PRELID2: variants seen among roughly 807,000 people sequenced by gnomAD.
The protein encoded by PRELID2 is PRELI domain-containing protein 2.
Under a neutral mutation model 28.4 loss-of-function variants are expected in PRELID2, and 25 were observed. The observed-to-expected ratio is 0.88, with a 90% CI of 0.64 to 1.23. The LOEUF (loss-of-function observed/expected upper bound fraction) is 1.23. PRELID2 is among the 50% of genes most tolerant of loss of function. The probability of loss-of-function intolerance (pLI) is 0.00; values close to 1 mark genes in which losing one functional copy is unlikely to be tolerated. For synonymous variants in PRELID2, 76 were observed against 71.6 expected, an observed-to-expected ratio of 1.06 and a Z score of -0.31; for missense variants, 201 against 214.4, an observed-to-expected ratio of 0.94 and a Z score of 0.39.
intron 1 of PRELID2, among the ~76,000 whole-genome samples, chr5:145,656,269 T>A (rs1011197647): frequency 6.6e-6 from 1 of 152,162 alleles, no homozygotes; most frequent in Non-Finnish European, 1.5e-5. Context: ...CTGGAGAGGA[T>A]GTGGAGAAAT....
chr5:145,395,114 C>T, the PRELID2 span, among the ~76,000 whole-genome samples: 25 of 152,146 alleles, frequency 1.6e-4, no homozygotes, highest in Non-Finnish European at 3.1e-4. Context: ...GCTTTTAGTG[C>T]ATTATCTCAT....
At chr5:145,800,996 C>T (rs981582735) in intron 4 of PRELID2, among the ~76,000 whole-genome samples, 4 of 151,984 alleles carry the variant, frequency 2.6e-5, no homozygotes, top group Admixed American at 6.6e-5. Flanking sequence ...GACAGACGGA[C>T]GGATGAACAG....
At chr5:145,683,192 T>C (rs371755749) in intron 1 of PRELID2, among the ~76,000 whole-genome samples, 2 of 152,184 alleles carry the variant, frequency 1.3e-5, no homozygotes, top group South Asian at 2.1e-4. Flanking sequence ...TCTGTGACTT[T>C]GACTTTAGGT....
In PRELID2 at chr5:145,756,566, T is replaced by C. The variant is rs140855203; in HGVS notation, c.*3970A>G. Among the ~76,000 whole-genome samples, 724 of 152,252 alleles carry C rather than the reference T, an allele frequency of 4.8e-3. 6 individuals are homozygous for C. The highest frequency in any genetic ancestry group is 7.6e-3 in the Non-Finnish European group (519 of 68,012). ...GCTGGGGGAGACAATGGTTTATTGA[T>C]CAAGAGAAATTATTTCTAGCAATAT... On this transcript the variant is annotated 3_prime_UTR_variant, in exon 7 of 7. Coordinates refer to ENST00000683046, the MANE Select transcript of PRELID2 (RefSeq NM_205846.3).
At chr5:145,817,421 T>TTTTA (rs1554099439) in intron 4 of PRELID2, among the ~76,000 whole-genome samples, 1 of 103,596 alleles carries the variant, frequency 9.7e-6, no homozygotes, top group African/African-American at 3.3e-5. Context: ...TAAGCTAGTT[T>TTTTA]TATATATATA....
intron 1 of PRELID2, among the ~76,000 whole-genome samples, chr5:145,742,262 A>T (rs1360383953): frequency 1.4e-5 from 2 of 140,776 alleles, no homozygotes; most frequent in Non-Finnish European, 3.1e-5. Flanking sequence ...TAAAATATAT[A>T]TTTTTAATAC....
At chr5:145,260,026 G>A in the PRELID2 span, among the ~76,000 whole-genome samples, 1 of 152,134 alleles carries the variant, frequency 6.6e-6, no homozygotes, top group Non-Finnish European at 1.5e-5. Context: ...GTGAATTCTT[G>A]TGAGATCTGG....
intron 4 of PRELID2, among the ~76,000 whole-genome samples, chr5:145,816,129 C>T (rs914632360): frequency 7.5e-6 from 1 of 134,218 alleles, no homozygotes; most frequent in Non-Finnish European, 1.5e-5. Flanking sequence ...GTTGCCCAGG[C>T]TAGAGTGCCA....
At chr5:145,253,348 T>C in the PRELID2 span, among the ~76,000 whole-genome samples, 2 of 152,166 alleles carry the variant, frequency 1.3e-5, no homozygotes, top group Admixed American at 1.3e-4. Flanking sequence ...TATTATCTTA[T>C]TTGATTTTCA....
intron 5 of PRELID2, among the ~76,000 whole-genome samples, chr5:145,782,508 T>A (rs1751698215): frequency 6.6e-6 from 1 of 152,208 alleles, no homozygotes. Context: ...ACTCAATAAA[T>A]TACAGCTACT....
At chr5:145,326,674 G>A in the PRELID2 span, among the ~76,000 whole-genome samples, 2 of 151,872 alleles carry the variant, frequency 1.3e-5, no homozygotes, top group African/African-American at 4.8e-5. Flanking sequence ...TAATTAATAG[G>A]GAAAGAATCA....
downstream of PRELID2, among the ~76,000 whole-genome samples, chr5:145,752,908 G>A (rs1254798188): frequency 6.6e-6 from 1 of 152,134 alleles, no homozygotes; most frequent in Non-Finnish European, 1.5e-5. Flanking sequence ...ATGAAAGAAG[G>A]GGCTTCAGCC....
intron 1 of PRELID2, among the ~76,000 whole-genome samples, chr5:145,550,715 T>G (rs565832635): frequency 1.3e-5 from 2 of 152,340 alleles, no homozygotes; most frequent in Admixed American, 6.5e-5. Flanking sequence ...GGGAATAAAT[T>G]GAATTCAGTC....
At chr5:145,452,561 C>A in the PRELID2 span, among the ~76,000 whole-genome samples, 1 of 152,086 alleles carries the variant, frequency 6.6e-6, no homozygotes, top group Admixed American at 6.6e-5. Context: ...CTCTTTATTT[C>A]CCCCACTGTA....
At chr5:145,381,952 CTTAG>C in the PRELID2 span, among the ~76,000 whole-genome samples, 12 of 137,332 alleles carry the variant, frequency 8.7e-5, no homozygotes, top group African/African-American at 2.9e-4. Flanking sequence ...CCTGGGATTA[CTTAG>C]TTTTTTTTTT....
intron 1 of PRELID2, among the ~76,000 whole-genome samples, chr5:145,643,826 T>C (rs1173776744): frequency 2.0e-5 from 3 of 152,164 alleles, no homozygotes; most frequent in African/African-American, 7.2e-5. Context: ...TATTGACTTG[T>C]GTATGTTGGA....
chr5:145,698,356 T>TTA (rs1168289935), intron 1 of PRELID2, among the ~76,000 whole-genome samples: 1 of 152,180 alleles, frequency 6.6e-6, no homozygotes, highest in Non-Finnish European at 1.5e-5. Flanking sequence ...ATCTTGGAGC[T>TTA]TATAGTCTAC....
intron 1 of PRELID2, among the ~76,000 whole-genome samples, chr5:145,612,591 G>T (rs1424175568): frequency 6.6e-6 from 1 of 152,072 alleles, no homozygotes; most frequent in Non-Finnish European, 1.5e-5. Context: ...TCTATTAGTA[G>T]CCTTTTATCC....
chr5:145,453,862 C>T, the PRELID2 span, among the ~76,000 whole-genome samples: 53 of 152,268 alleles, frequency 3.5e-4, no homozygotes, highest in African/African-American at 1.2e-3. Flanking sequence ...TCCAGTCTAT[C>T]ATTGATGGGC....
Sources: gnomAD v4.1 joint callset for allele counts (sites outside exome capture counted in the v4.1 genomes callset) on GRCh38, gnomAD v4.1.1 for gene constraint, MANE v1.5 for transcripts, NCBI Gene and HGNC (gene_info 2026-07-23, HGNC 2026-07-21) for gene names.